The following TRPM1 variants were observed in gnomAD, a reference collection of about 807,000 sequenced individuals.
The protein encoded by TRPM1 is transient receptor potential cation channel subfamily M member 1, also known as TRPM1-203 APA Isoform, Intron 10.
Under a neutral mutation model 149.4 loss-of-function variants are expected in TRPM1, and 113 were observed. The ratio of observed to expected loss-of-function variants is 0.76; its 90% CI spans 0.65 to 0.88. The LOEUF is 0.88. Among genes scored for constraint, TRPM1 ranks in the 40% least tolerant of loss-of-function variants. The pLI is 0.00. For missense variants in TRPM1, 1,976 were observed against 2,038.7 expected, an observed-to-expected ratio of 0.97 and a Z score of 0.59; for synonymous variants, 741 against 759.5, an observed-to-expected ratio of 0.98 and a Z score of 0.40.
At chr15:31,069,904 A>G (rs778783393) in intron 4 of TRPM1, 127 bp downstream of exon 4, 14 of 1,604,696 alleles carry the variant, frequency 8.7e-6, no homozygotes, top group Middle Eastern at 1.6e-4. Flanking sequence ...TGGTTTTTCA[A>G]TGAAATATCT....
At chr15:31,107,415 T>C (rs764789098) in intron 1 of TRPM1, among the ~76,000 whole-genome samples, 2 of 152,232 alleles carry the variant, frequency 1.3e-5, no homozygotes, top group African/African-American at 2.4e-5. Flanking sequence ...TGCCCCTTTT[T>C]CATTCCTGAT....
intron 2 of TRPM1, among the ~76,000 whole-genome samples, chr15:31,079,967 G>T (rs894586932): frequency 2.0e-5 from 3 of 152,164 alleles, no homozygotes; most frequent in African/African-American, 7.2e-5. Flanking sequence ...GTGGCTGCTT[G>T]AAGGGGCTCC....
chr15:31,039,937 A>G (rs958822167), intron 18 of TRPM1, among the ~76,000 whole-genome samples, 181 bp downstream of exon 18: 1 of 152,170 alleles, frequency 6.6e-6, no homozygotes, highest in Non-Finnish European at 1.5e-5. Context: ...GATCCTAGGC[A>G]TGTCACTTCA....
intron 1 of TRPM1, among the ~76,000 whole-genome samples, chr15:31,091,343 C>T (rs559091669): frequency 1.6e-4 from 25 of 152,346 alleles, no homozygotes; most frequent in African/African-American, 4.3e-4. Flanking sequence ...CCCACTCTGC[C>T]CTTTGTGGAC....
chr15:31,020,717 A>ATGC (rs1038276427), intron 27 of TRPM1, among the ~76,000 whole-genome samples: 5 of 152,124 alleles, frequency 3.3e-5, no homozygotes, highest in African/African-American at 4.8e-5. Flanking sequence ...TTCATTAGTA[A>ATGC]TGCTCTGACC....
Position 31,047,179 on chromosome 15 carries a change from C to T in TRPM1, c.1696G>A (p.Ala566Thr), listed in dbSNP as rs1317519573. 2 of 1,614,196 alleles carry T rather than the reference C, an allele frequency of 1.2e-6. No individual in the cohort carries two copies. The highest frequency in any genetic ancestry group is 1.7e-6 in the Non-Finnish European group (2 of 1,180,036). The part of the protein sequence containing the change: ...GLVLEYLMGG[A>T]YRCNYTRKNF... ...TTCCGAGTGTAGTTGCAGCGGTAGGCTCCTCCCATGAGGTACTCCAGCACG... is the reference window on the plus strand; with the variant it reads ...TTCCGAGTGTAGTTGCAGCGGTAGGTTCCTCCCATGAGGTACTCCAGCACG... Residue 566 changes from alanine to threonine, a missense_variant, in exon 15 of 28, where the codon GCC becomes ACC. Ala to Thr is a moderately conservative substitution (Grantham distance 58, BLOSUM62 0). Transcript: ENST00000256552.
At chr15:31,025,799 G>C (rs908146524) in intron 27 of TRPM1, among the ~76,000 whole-genome samples, 1 of 152,208 alleles carries the variant, frequency 6.6e-6, no homozygotes, top group African/African-American at 2.4e-5. Flanking sequence ...GCTCGCAAAG[G>C]GAAGTTAGGA....
intron 27 of TRPM1, among the ~76,000 whole-genome samples, chr15:31,007,746 G>A (rs2032049724): frequency 6.6e-6 from 1 of 152,200 alleles, no homozygotes; most frequent in Non-Finnish European, 1.5e-5. Context: ...TTGGTATTGT[G>A]TTAAATCTAC....
In TRPM1 at chr15:31,069,432, C is replaced by T; in HGVS notation, c.279+599G>A. The T allele has an allele frequency of 4.0e-6, 4 of 1,006,718 alleles. No individual in the cohort carries two copies. In the African/African-American group the frequency reaches 5.2e-5, roughly 13 times the overall value. 62.4% of individuals were successfully genotyped at this position (1,006,718 alleles called of 1,614,324 possible). A position where few individuals can be genotyped will look rare whatever the true frequency, so the allele number is the denominator to read the frequency against. Reference sequence around the variant, plus strand: ...TTTTATTTTAACAATGATGTTGGGCCAGTGAAATAAAATGAAATTGCAAAA... The same window carrying T: ...TTTTATTTTAACAATGATGTTGGGCTAGTGAAATAAAATGAAATTGCAAAA... On this transcript the variant is annotated intron_variant, in intron 4 of 27. Coordinates refer to ENST00000256552, the MANE Select transcript of TRPM1 (RefSeq NM_001252024.2).
chr15:31,140,285 A>C (rs916852777), intron 1 of TRPM1, among the ~76,000 whole-genome samples: 1 of 151,870 alleles, frequency 6.6e-6, no homozygotes, highest in African/African-American at 2.4e-5. Flanking sequence ...AGGCTGAGGC[A>C]TGAGAATCAC....
chr15:31,147,250 T>C (rs1316633400), intron 1 of TRPM1, among the ~76,000 whole-genome samples: 4 of 152,252 alleles, frequency 2.6e-5, no homozygotes, highest in Non-Finnish European at 5.9e-5. Flanking sequence ...AACTGTGCTA[T>C]GCGCACACGT....
chr15:31,055,632 G>C (rs1474208231), intron 11 of TRPM1, among the ~76,000 whole-genome samples: 4 of 152,180 alleles, frequency 2.6e-5, no homozygotes, highest in Non-Finnish European at 5.9e-5. Context: ...AAAACTGGGA[G>C]GATGTCTGCT....
At chr15:31,067,265 G>T (rs888727216) in intron 5 of TRPM1, 78 bp from the exon 6 acceptor site, 98 of 1,603,422 alleles carry the variant, frequency 6.1e-5, no homozygotes, top group Admixed American at 8.3e-5. Flanking sequence ...AGGGACACTT[G>T]CCCTGAGTCC....
chr15:31,129,844 C>T (rs945728972), intron 1 of TRPM1, among the ~76,000 whole-genome samples: 2 of 152,128 alleles, frequency 1.3e-5, no homozygotes, highest in East Asian at 3.9e-4. Flanking sequence ...CCATGGGTTC[C>T]GGTAGGCCAC....
At chr15:31,120,314 CATA>C (rs1224434453) in intron 1 of TRPM1, among the ~76,000 whole-genome samples, 1 of 151,776 alleles carries the variant, frequency 6.6e-6, no homozygotes. Context: ...TAGGACATTA[CATA>C]ATAATAATAA....
Position 31,062,573 on chromosome 15 carries a change from A to G in TRPM1, c.1089+6T>C. On this transcript the variant is annotated splice_donor_region_variant and intron_variant, in intron 9 of 27. Coordinates refer to ENST00000256552, the MANE Select transcript of TRPM1 (RefSeq NM_001252024.2). The stretch of plus-strand genomic sequence containing the variant: ...GCTTGTTTGGAAATAAATTCAAGAC[A>G]CTTACGAGTTCTTTCTTCTTCATGC... 1.2e-6 allele frequency: 2 copies of G among 1,614,076 alleles called. No homozygotes were observed. Among genetic ancestry groups the G allele is most frequent in the Non-Finnish European group, 8.5e-7 (1 of 1,180,008 alleles).
intron 1 of TRPM1, among the ~76,000 whole-genome samples, chr15:31,090,534 G>A (rs2035207184): frequency 6.6e-6 from 1 of 152,070 alleles, no homozygotes; most frequent in Non-Finnish European, 1.5e-5. Flanking sequence ...CTACTCGGGA[G>A]GCTGAGGCAG....
chr15:31,124,816 G>T (rs892187309), intron 1 of TRPM1, among the ~76,000 whole-genome samples: 7 of 152,090 alleles, frequency 4.6e-5, no homozygotes, highest in African/African-American at 1.7e-4. Context: ...GGATTTTTAG[G>T]GCAGTGAAAC....
At chr15:31,013,443 C>A (rs984768040) in intron 27 of TRPM1, among the ~76,000 whole-genome samples, 2 of 151,804 alleles carry the variant, frequency 1.3e-5, no homozygotes, top group African/African-American at 4.8e-5. Flanking sequence ...TCCTTTAGTT[C>A]TTTAGAGATG....
Sources: allele counts gnomAD v4.1 joint callset (sites outside exome capture counted in the v4.1 genomes callset), GRCh38; gene constraint gnomAD v4.1.1; transcripts MANE v1.5; gene names NCBI Gene and HGNC (gene_info 2026-07-23, HGNC 2026-07-21).